The following CEP350 variants were observed in gnomAD, a reference collection of about 807,000 sequenced individuals.
CEP350 encodes centrosome-associated protein 350.
CEP350 carries 126 observed loss-of-function variants against 331.8 expected under a neutral mutation model. The ratio of observed to expected loss-of-function variants is 0.38; its 90% confidence interval spans 0.33 to 0.44. The LOEUF (loss-of-function observed/expected upper bound fraction) is 0.44. Among genes scored for constraint, CEP350 ranks in the 20% least tolerant of loss-of-function variants. The pLI, the probability that CEP350 is intolerant of heterozygous loss-of-function variation, is 1.00. For missense variants in CEP350, 3,406 were observed against 3,634.6 expected (o/e 0.94, Z 1.62); for synonymous variants, 1,200 against 1,259.5 (o/e 0.95, Z 1.00).
chr1:180,000,064 G>GT (rs1653759394), intron 6 of CEP350, among the ~76,000 whole-genome samples: 2 of 152,112 alleles, frequency 1.3e-5, no homozygotes, highest in Non-Finnish European at 2.9e-5. Flanking sequence ...TGCACAGTAA[G>GT]TTTTTTATTC....
chr1:180,085,417 G>A (rs1659806991), intron 31 of CEP350, among the ~76,000 whole-genome samples: 1 of 152,048 alleles, frequency 6.6e-6, no homozygotes, highest in African/African-American at 2.4e-5. Flanking sequence ...GGCTAGCTGG[G>A]GCCCTTATGA....
rs568098479 is a variant in CEP350 at position 180,104,206 on chromosome 1, G to T, written c.9189+5221G>T. 3.5e-3 allele frequency among the ~76,000 whole-genome samples: 523 copies of T among 151,024 alleles called. 1 individual carries two copies. Among genetic ancestry groups the T allele is most frequent in the Non-Finnish European group, 5.8e-3 (391 of 67,738 alleles). On this transcript the variant is annotated intron_variant, in intron 37 of 37. Transcript: ENST00000367607. ...GATTCTTGACAGCTGTAGTTTTCTT[G>T]TAGAGTTGTTTTTTGTTGTTTTTTG...
chr1:180,059,556 ATCTT>A (rs1658067165), intron 25 of CEP350, among the ~76,000 whole-genome samples: 1 of 150,950 alleles, frequency 6.6e-6, no homozygotes, highest in South Asian at 2.1e-4. Flanking sequence ...ATAATCAGAC[ATCTT>A]TGCTCGATAC....
intron 1 of CEP350, among the ~76,000 whole-genome samples, chr1:179,958,112 G>A (rs1363637074): frequency 1.3e-5 from 2 of 152,068 alleles, no homozygotes; most frequent in Non-Finnish European, 2.9e-5. Context: ...ACATAATTGT[G>A]ATCAACTTGG....
At chr1:180,002,719 A>G (rs1653947140) in intron 6 of CEP350, among the ~76,000 whole-genome samples, 1 of 152,224 alleles carries the variant, frequency 6.6e-6, no homozygotes, top group African/African-American at 2.4e-5. Flanking sequence ...ATGAATGGAT[A>G]AAGTATTGGT....
In CEP350 at chr1:180,020,422, A is replaced by T. The variant is rs112233727; in HGVS notation, c.2648A>T (p.Asp883Val). The change falls in exon 12 of 38, where the codon GAT becomes GTT. Residue 883 changes from aspartate (D) to valine (V), a missense_variant. Coordinates refer to ENST00000367607, the MANE Select transcript of CEP350 (RefSeq NM_014810.5). Reference sequence around the variant, plus strand: ...AAGGCTGTAACTCCACCTGTGAAAGATGATAATGAAGATGTTTTCTCTGCC... The same window carrying T: ...AAGGCTGTAACTCCACCTGTGAAAGTTGATAATGAAGATGTTTTCTCTGCC... ...WTKAVTPPVK[D>V]DNEDVFSARI... The T allele has an allele frequency of 1.2e-6, 2 of 1,613,926 alleles. No individual in the cohort carries two copies. The highest frequency in any genetic ancestry group is 1.7e-6 in the Non-Finnish European group (2 of 1,179,898).
Position 179,969,499 on chromosome 1 carries a change from G to C in CEP350, c.-14+14357G>C, listed in dbSNP as rs1350300534. The stretch of plus-strand genomic sequence containing the variant: ...CACTGAATGGGTAGGAATAAGCACT[G>C]AATTGGCCTTAAGCTGTTCTTGCAT... On this transcript the variant is annotated intron_variant, in intron 1 of 37. Coordinates refer to ENST00000367607, the MANE Select transcript of CEP350 (RefSeq NM_014810.5). 1.3e-5 allele frequency: 6 copies of C among 466,232 alleles called. 1 individual carries two copies. Among genetic ancestry groups the C allele is most frequent in the South Asian group, 7.6e-5 (5 of 65,660 alleles). The allele number at this position is 466,232 out of a possible 1,614,324, so 28.9% of individuals were successfully genotyped here. A position where few individuals can be genotyped will look rare whatever the true frequency, so the allele number is the denominator to read the frequency against.
chr1:180,003,127 A>G (rs1432443699), intron 6 of CEP350, 47 bp from the exon 7 acceptor site: 2 of 1,274,460 alleles, frequency 1.6e-6, no homozygotes, highest in African/African-American at 1.5e-5. Flanking sequence ...AACAAAACTT[A>G]TAAAGCAACT....
chr1:179,984,638 A>G (rs1245673711), intron 1 of CEP350, among the ~76,000 whole-genome samples: 3 of 152,218 alleles, frequency 2.0e-5, no homozygotes, highest in African/African-American at 4.8e-5. Flanking sequence ...ACCATACTCA[A>G]TGGGAGAATA....
intron 26 of CEP350, among the ~76,000 whole-genome samples, chr1:180,063,268 G>A (rs1485965539): frequency 7.1e-6 from 1 of 141,106 alleles, no homozygotes; most frequent in East Asian, 2.1e-4. Flanking sequence ...ACAGCTCACA[G>A]CAGCCTTGAC....
intron 9 of CEP350, among the ~76,000 whole-genome samples, chr1:180,013,444 T>A (rs1654780795): frequency 6.6e-6 from 1 of 152,188 alleles, no homozygotes; most frequent in South Asian, 2.1e-4. Flanking sequence ...TTGCTTCTCA[T>A]TGGGATGCCT....
chr1:180,106,472 C>G (rs1661150527), intron 37 of CEP350, among the ~76,000 whole-genome samples: 1 of 152,126 alleles, frequency 6.6e-6, no homozygotes, highest in Non-Finnish European at 1.5e-5. Context: ...CTCCTGTTGT[C>G]TGATATAGTT....
intron 1 of CEP350, among the ~76,000 whole-genome samples, chr1:179,979,890 A>G (rs192411765): frequency 6.6e-6 from 1 of 152,032 alleles, no homozygotes; most frequent in Non-Finnish European, 1.5e-5. Context: ...CCATTGGTCT[A>G]TATGTCTGAT....
intron 22 of CEP350, 137 bp from the exon 23 acceptor site, chr1:180,052,821 AATTTTGTTTATT>A: frequency 2.4e-6 from 1 of 414,480 alleles, no homozygotes; most frequent in Non-Finnish European, 4.3e-6. Context: ...AAGGCAAATG[AATTTTGTTTATT>A]ATTTCATGTC....
At chr1:179,961,013 T>C (rs1416146494) in intron 1 of CEP350, among the ~76,000 whole-genome samples, 3 of 152,290 alleles carry the variant, frequency 2.0e-5, no homozygotes, top group African/African-American at 7.2e-5. Context: ...ATATTTTCCA[T>C]GTTCTGTGCT....
At chr1:180,080,138 TC>T (rs1571969263) in intron 29 of CEP350, among the ~76,000 whole-genome samples, 1 of 152,160 alleles carries the variant, frequency 6.6e-6, no homozygotes. Context: ...GTTTTCTTCT[TC>T]CCTTCCTCTC....
intron 37 of CEP350, among the ~76,000 whole-genome samples, chr1:180,103,362 T>A (rs1303808706): frequency 6.6e-6 from 1 of 152,172 alleles, no homozygotes. Flanking sequence ...GTCTGCAGCT[T>A]GATTTTACAG....
intron 11 of CEP350, among the ~76,000 whole-genome samples, chr1:180,018,632 A>C (rs1463994485): frequency 6.6e-6 from 1 of 152,072 alleles, no homozygotes; most frequent in East Asian, 1.9e-4. Context: ...CCTTCAGATG[A>C]CTTATTTTAA....
In CEP350 at chr1:180,064,016, C is replaced by T. The variant is rs139942052; in HGVS notation, c.5410-1099C>T. On this transcript the variant is annotated intron_variant, in intron 26 of 37. Transcript: ENST00000367607. ...AGTTGCCAACAAATTAACATTGATACATTACTACCACTTAATCTGCAGACT... is the reference window on the plus strand; with the variant it reads ...AGTTGCCAACAAATTAACATTGATATATTACTACCACTTAATCTGCAGACT... 3.6e-3 allele frequency among the ~76,000 whole-genome samples: 545 copies of T among 152,276 alleles called. 6 individuals carry two copies. Among genetic ancestry groups the T allele is most frequent in the Admixed American group, 3.3e-3 (50 of 15,290 alleles).
Sources: gnomAD v4.1 joint callset for allele counts (sites outside exome capture counted in the v4.1 genomes callset) on GRCh38, gnomAD v4.1.1 for gene constraint, MANE v1.5 for transcripts, NCBI Gene and HGNC (gene_info 2026-07-23, HGNC 2026-07-21) for gene names.